STXBP5: variants seen among roughly 807,000 people sequenced by gnomAD.
STXBP5 encodes syntaxin binding protein 5, also known as syntaxin-binding protein 5.
STXBP5 carries 50 observed loss-of-function variants against 152.4 expected under a neutral mutation model. The observed-to-expected ratio is 0.33, with a 90% CI of 0.26 to 0.42. STXBP5 has a LOEUF of 0.42. STXBP5 is among the 10% of genes least tolerant of loss of function. The pLI is 1.00. For synonymous variants in STXBP5, 492 were observed against 494.7 expected (o/e 0.99, Z 0.07); for missense variants, 1,167 against 1,388.6 (o/e 0.84, Z 2.54).
chr6:147,339,880 C>T (rs946015872), intron 21 of STXBP5, among the ~76,000 whole-genome samples: 3 of 151,812 alleles, frequency 2.0e-5, no homozygotes, highest in Admixed American at 6.6e-5. Flanking sequence ...ACTCTCTCAC[C>T]GCAAGTAAAA....
intron 26 of STXBP5, among the ~76,000 whole-genome samples, chr6:147,381,463 G>A (rs1786081316): frequency 6.6e-6 from 1 of 151,986 alleles, no homozygotes; most frequent in South Asian, 2.1e-4. Flanking sequence ...CACCCTCTTT[G>A]GAAAACTGAT....
At chr6:147,315,774 TCATC>T in intron 15 of STXBP5, 39 bp downstream of exon 15, 2 of 1,567,614 alleles carry the variant, frequency 1.3e-6, no homozygotes, top group East Asian at 2.3e-5. Flanking sequence ...CAAGTTATTT[TCATC>T]CACATTTTTA....
At chr6:147,304,080 A>C (rs73016008) in intron 9 of STXBP5, among the ~76,000 whole-genome samples, 1,846 of 152,328 alleles carry the variant, frequency 0.012, 15 homozygotes, top group Non-Finnish European at 0.016. Flanking sequence ...TAGCGTAAGT[A>C]ATGAGGAGCT....
chr6:147,213,477 T>TGTGTGTGTGTGTGCGC lies in STXBP5; in HGVS notation c.248+7410_248+7411insTGTGTGTGTGTGCGCG. 1.5e-3 allele frequency among the ~76,000 whole-genome samples: 203 copies of TGTGTGTGTGTGTGCGC among 131,292 alleles called. 1 individual carries two copies. The highest frequency in any genetic ancestry group is 6.0e-3 in the African/African-American group (187 of 31,334). 86.1% of individuals were successfully genotyped at this position (131,292 alleles called of 152,430 possible). A position where few individuals can be genotyped will look rare whatever the true frequency, so the allele number is the denominator to read the frequency against. ...GTGTGTGTGTGTGTGTGTGTGTGTG[T>TGTGTGTGTGTGTGCGC]GCGCGCGCATATATATATTTTTTCT... On this transcript the variant is annotated intron_variant, in intron 2 of 27. Transcript: ENST00000321680.
At chr6:147,317,630 A>G (rs766385033) in intron 16 of STXBP5, among the ~76,000 whole-genome samples, 1 of 152,168 alleles carries the variant, frequency 6.6e-6, no homozygotes, top group Non-Finnish European at 1.5e-5. Flanking sequence ...TCCAAACAGT[A>G]TATACCCATT....
intron 8 of STXBP5, among the ~76,000 whole-genome samples, chr6:147,280,258 G>T (rs1376691457): frequency 6.6e-6 from 1 of 151,960 alleles, no homozygotes; most frequent in Non-Finnish European, 1.5e-5. Context: ...GCCTCAGTAT[G>T]GTTTTGTCTC....
intron 9 of STXBP5, among the ~76,000 whole-genome samples, chr6:147,300,933 A>G (rs1324382811): frequency 2.6e-5 from 4 of 152,052 alleles, no homozygotes; most frequent in Admixed American, 6.5e-5. Flanking sequence ...TACAGAATAT[A>G]TAAGGAACTC....
At chr6:147,298,297 G>T (rs1781633100) in intron 9 of STXBP5, among the ~76,000 whole-genome samples, 2 of 151,902 alleles carry the variant, frequency 1.3e-5, no homozygotes, top group Admixed American at 1.3e-4. Context: ...GAGGATTTAA[G>T]AATTACAAAT....
At chr6:147,213,044 T>G (rs1776939621) in intron 2 of STXBP5, among the ~76,000 whole-genome samples, 1 of 152,174 alleles carries the variant, frequency 6.6e-6, no homozygotes, top group African/African-American at 2.4e-5. Context: ...TCTTTAGAGA[T>G]TTATTAATAG....
intron 6 of STXBP5, 50 bp from the exon 7 acceptor site, chr6:147,267,034 T>G: frequency 1.4e-6 from 2 of 1,441,370 alleles, no homozygotes; most frequent in Non-Finnish European, 1.9e-6. Flanking sequence ...AAATAAATGT[T>G]TTATAATTGA....
intron 8 of STXBP5, among the ~76,000 whole-genome samples, chr6:147,285,751 A>T (rs1010523274): frequency 2.0e-5 from 3 of 152,196 alleles, no homozygotes; most frequent in African/African-American, 7.2e-5. Context: ...CAAGATATAG[A>T]AGCTCAGGCT....
intron 10 of STXBP5, among the ~76,000 whole-genome samples, chr6:147,310,532 ATT>A: frequency 2.9e-5 from 1 of 34,278 alleles, no homozygotes; most frequent in East Asian, 3.9e-4. Context: ...AGAGAAAGTG[ATT>A]GATTGATTGA....
intron 26 of STXBP5, among the ~76,000 whole-genome samples, chr6:147,377,773 C>T (rs1785880371): frequency 6.6e-6 from 1 of 151,988 alleles, no homozygotes; most frequent in Admixed American, 6.6e-5. Context: ...TAGATTTCAA[C>T]ATATGACTTG....
intron 21 of STXBP5, among the ~76,000 whole-genome samples, chr6:147,346,200 GGTAAATGAGTTTC>G (rs1212926881): frequency 2.6e-5 from 4 of 152,090 alleles, no homozygotes; most frequent in Admixed American, 1.3e-4. Flanking sequence ...GAGCTAGCTG[GGTAAATGAGTTTC>G]GTAAGTGATT....
At chr6:147,208,415 C>G (rs865921170) in intron 2 of STXBP5, among the ~76,000 whole-genome samples, 4 of 151,980 alleles carry the variant, frequency 2.6e-5, no homozygotes, top group Middle Eastern at 3.2e-3. Context: ...ATGTTAGTGT[C>G]TCTTTCTTTG....
chr6:147,307,975 A>G (rs1009852656), intron 9 of STXBP5, among the ~76,000 whole-genome samples: 1 of 152,144 alleles, frequency 6.6e-6, no homozygotes, highest in Non-Finnish European at 1.5e-5. Context: ...ATGTACAGCT[A>G]TAATCTCTCT....
intron 7 of STXBP5, among the ~76,000 whole-genome samples, chr6:147,273,110 T>C (rs1780257499): frequency 6.6e-6 from 1 of 151,120 alleles, no homozygotes; most frequent in Admixed American, 6.6e-5. Flanking sequence ...CCCAGCTCTT[T>C]GAGAGGCAGG....
chr6:147,306,080 C>G (rs1322661998), intron 9 of STXBP5, among the ~76,000 whole-genome samples: 2 of 152,058 alleles, frequency 1.3e-5, no homozygotes, highest in African/African-American at 4.8e-5. Context: ...TAAATTCCAC[C>G]CTGCTGTAGG....
chr6:147,287,438 G>A (rs555071964), intron 8 of STXBP5, among the ~76,000 whole-genome samples: 1 of 151,772 alleles, frequency 6.6e-6, no homozygotes, highest in Non-Finnish European at 1.5e-5. Flanking sequence ...TCCTGACCTC[G>A]TGATCCGCCC....
Sources: gnomAD v4.1 joint callset for allele counts (sites outside exome capture counted in the v4.1 genomes callset) on GRCh38, gnomAD v4.1.1 for gene constraint, MANE v1.5 for transcripts, NCBI Gene and HGNC (gene_info 2026-07-23, HGNC 2026-07-21) for gene names.